The following PHLPP1 variants were observed in gnomAD, a reference collection of about 807,000 sequenced individuals.
PHLPP1 encodes PH domain and leucine rich repeat protein phosphatase 1.
In PHLPP1, 42 loss-of-function variants were observed where a neutral mutation model predicts 117.2. The ratio of observed to expected loss-of-function variants is 0.36; its 90% CI spans 0.28 to 0.46. The LOEUF is 0.46. Among genes scored for constraint, PHLPP1 ranks in the 20% least tolerant of loss-of-function variants. The probability of loss-of-function intolerance (pLI) is 1.00; values close to 1 mark genes in which losing one functional copy is unlikely to be tolerated. For synonymous variants in PHLPP1, 1,042 were observed against 970.7 expected, an observed-to-expected ratio of 1.07 and a Z score of -1.37; for missense variants, 2,084 against 2,241.9, an observed-to-expected ratio of 0.93 and a Z score of 1.42.
intron 4 of PHLPP1, 35 bp from the exon 5 acceptor site, chr18:62,894,976 T>C (rs1475310664): frequency 1.9e-5 from 29 of 1,518,150 alleles, no homozygotes; most frequent in Non-Finnish European, 2.5e-5. Context: ...GACATTTGTC[T>C]CTTTTTTCCC....
chr18:62,881,624 A>T (rs1916176961), intron 4 of PHLPP1, among the ~76,000 whole-genome samples: 1 of 152,202 alleles, frequency 6.6e-6, no homozygotes, highest in Non-Finnish European at 1.5e-5. Context: ...TTTTGGCTCA[A>T]GTGTTGACAA....
chr18:62,969,580 G>T (rs1489688442), intron 14 of PHLPP1, among the ~76,000 whole-genome samples: 3 of 152,142 alleles, frequency 2.0e-5, no homozygotes, highest in Non-Finnish European at 4.4e-5. Flanking sequence ...GTTGATGATT[G>T]AGAGGCTATG....
chr18:62,818,511 C>G (rs552608275), intron 1 of PHLPP1, among the ~76,000 whole-genome samples: 1 of 152,094 alleles, frequency 6.6e-6, no homozygotes, highest in African/African-American at 2.4e-5. Flanking sequence ...CTGGGTGACA[C>G]AGCAAGACTC....
chr18:62,772,964 C>A (rs1430532104), intron 1 of PHLPP1, among the ~76,000 whole-genome samples: 1 of 151,414 alleles, frequency 6.6e-6, no homozygotes, highest in Non-Finnish European at 1.5e-5. Context: ...CCCACCCCCC[C>A]AAAAAAAACT....
intron 4 of PHLPP1, among the ~76,000 whole-genome samples, chr18:62,880,054 C>G (rs1916139988): frequency 6.6e-6 from 1 of 151,588 alleles, no homozygotes. Flanking sequence ...CAAATTGTTT[C>G]AAGTTCCTGG....
Position 62,716,197 on chromosome 18 carries a change from C to A in PHLPP1, c.514C>A (p.Leu172Met), listed in dbSNP as rs1227361254. 6.6e-7 allele frequency: 1 copy of A among 1,521,774 alleles called. No individual in the cohort carries two copies. Among genetic ancestry groups the A allele is most frequent in the Non-Finnish European group, 8.8e-7 (1 of 1,140,676 alleles). The allele number at this position is 1,521,774 out of a possible 1,614,324, so 94.3% of individuals were successfully genotyped here. A position where few individuals can be genotyped will look rare whatever the true frequency, so the allele number is the denominator to read the frequency against. Reference sequence around the variant, plus strand: ...CTCGGCGTCGCTGTGCACCCGGAGCCTGGACAGGAAGACGCTGCTTCTGAA... The same window carrying A: ...CTCGGCGTCGCTGTGCACCCGGAGCATGGACAGGAAGACGCTGCTTCTGAA... ...SASASLCTRSLDRKTLLLKHR... is the reference protein window; with the variant it reads ...SASASLCTRSMDRKTLLLKHR... The change falls in exon 1 of 17, where the codon CTG becomes ATG. Residue 172 changes from leucine to methionine, a missense_variant. By Grantham distance (15) the Leu-to-Met change is conservative. Transcript: ENST00000262719. The surrounding 1 kb of genome is among the most constrained non-coding windows in gnomAD (Gnocchi z 5.7).
chr18:62,949,420 C>G, intron 12 of PHLPP1, among the ~76,000 whole-genome samples: 1 of 152,150 alleles, frequency 6.6e-6, no homozygotes, highest in East Asian at 1.9e-4. Flanking sequence ...TTTGCACCAT[C>G]TAATCTTGGA....
rs1379074311 is a variant in PHLPP1 at position 62,978,167 on chromosome 18, TACAGTCGAG to T, written c.3985-85_3985-77del. ...GCCACACAGCACTTCTCTGTGGTCC[TACAGTCGAG>T]ACAGTCGAGGGACCCGCAGGGAACC... On this transcript the variant is annotated intron_variant, in intron 16 of 16. Coordinates refer to ENST00000262719, the MANE Select transcript of PHLPP1 (RefSeq NM_194449.4). The surrounding 1 kb of genome is among the most constrained non-coding windows in gnomAD (Gnocchi z 7.0). 21 of 677,644 alleles carry T rather than the reference TACAGTCGAG, an allele frequency of 3.1e-5. No homozygotes were observed. The Admixed American group carries it at 4.0e-4, about 13-fold the overall frequency. 42.0% of individuals were successfully genotyped at this position (677,644 alleles called of 1,614,324 possible).
At chr18:62,784,351 T>C (rs925662554) in intron 1 of PHLPP1, among the ~76,000 whole-genome samples, 8 of 152,230 alleles carry the variant, frequency 5.3e-5, no homozygotes, top group African/African-American at 1.9e-4. Context: ...GTTTCTACTA[T>C]AATAGTTTCA....
intron 12 of PHLPP1, among the ~76,000 whole-genome samples, chr18:62,947,343 C>T (rs2144461440): frequency 6.6e-6 from 1 of 152,332 alleles, no homozygotes; most frequent in Middle Eastern, 3.4e-3. Context: ...TCAACACATG[C>T]CCTCAATGTG....
Position 62,716,616 on chromosome 18 carries a change from G to A in PHLPP1, c.933G>A (p.Gly311=), listed in dbSNP as rs1390892959. The change falls in exon 1 of 17, where the codon GGG becomes GGA. Residue 311 remains glycine, a synonymous_variant. Transcript: ENST00000262719. This position sits in a 1 kb window ranked among gnomAD's most constrained non-coding sequence, Gnocchi z 5.7. The part of the protein sequence containing the change: ...DLPLPVGGPG[G]WSRRASPAPS... The stretch of plus-strand genomic sequence containing the variant: ...CCCTGCCCGTCGGCGGCCCGGGCGG[G>A]TGGTCGCGCCGCGCCAGCCCAGCGC... 1.5e-5 allele frequency: 20 copies of A among 1,315,194 alleles called. No individual in the cohort carries two copies. Among genetic ancestry groups the A allele is most frequent in the Non-Finnish European group, 1.9e-5 (20 of 1,035,040 alleles). The allele number at this position is 1,315,194 out of a possible 1,614,324, so 81.5% of individuals were successfully genotyped here. A position where few individuals can be genotyped will look rare whatever the true frequency, so the allele number is the denominator to read the frequency against.
At chr18:62,766,072 AAAAAATAT>A (rs1411984640) in intron 1 of PHLPP1, among the ~76,000 whole-genome samples, 1 of 20,194 alleles carries the variant, frequency 5.0e-5, no homozygotes, top group African/African-American at 1.3e-4. Flanking sequence ...AAAAAAAAAA[AAAAAATAT>A]ATATATATAT....
intron 1 of PHLPP1, among the ~76,000 whole-genome samples, chr18:62,782,992 A>G (rs1913160756): frequency 6.8e-6 from 1 of 146,382 alleles, no homozygotes; most frequent in Non-Finnish European, 1.5e-5. Context: ...GGTTGCTTCC[A>G]GCTCTCATAA....
chr18:62,873,004 A>AAAG (rs1915946277), intron 4 of PHLPP1, among the ~76,000 whole-genome samples: 1 of 151,012 alleles, frequency 6.6e-6, no homozygotes, highest in African/African-American at 2.4e-5. Context: ...AAAAAAAAAA[A>AAAG]AAAGAAAAGG....
At chr18:62,926,577 A>G (rs573114979) in intron 10 of PHLPP1, among the ~76,000 whole-genome samples, 83 of 152,286 alleles carry the variant, frequency 5.5e-4, no homozygotes, top group Non-Finnish European at 7.9e-4. Flanking sequence ...ATGAAAATGC[A>G]TTAGGACAGG....
intron 1 of PHLPP1, among the ~76,000 whole-genome samples, chr18:62,754,578 T>G (rs1414922967): frequency 1.3e-5 from 2 of 152,210 alleles, no homozygotes; most frequent in African/African-American, 4.8e-5. Flanking sequence ...AGAAGGTGTT[T>G]GAGAAAGCTT....
chr18:62,899,685 G>A (rs767281252), intron 6 of PHLPP1, among the ~76,000 whole-genome samples: 2 of 152,146 alleles, frequency 1.3e-5, no homozygotes, highest in East Asian at 3.9e-4. Flanking sequence ...GGTCATCATC[G>A]TTGTCACCAT....
intron 4 of PHLPP1, among the ~76,000 whole-genome samples, chr18:62,868,794 T>A (rs1161607523): frequency 6.6e-6 from 1 of 152,158 alleles, no homozygotes; most frequent in Non-Finnish European, 1.5e-5. Context: ...TAAGACAGTA[T>A]TACTGAGCCA....
chr18:62,945,658 A>G (rs1910261680), intron 12 of PHLPP1, among the ~76,000 whole-genome samples: 1 of 152,224 alleles, frequency 6.6e-6, no homozygotes, highest in South Asian at 2.1e-4. Flanking sequence ...GTACCACTAC[A>G]CATCGCTCCC....
Sources: gnomAD v4.1 joint callset for allele counts (sites outside exome capture counted in the v4.1 genomes callset) on GRCh38, gnomAD v4.1.1 for gene constraint, Gnocchi (gnomAD v3.1) non-coding constraint, MANE v1.5 for transcripts, NCBI Gene and HGNC (gene_info 2026-07-23, HGNC 2026-07-21) for gene names.